The following ACOXL variants were observed in gnomAD, a reference collection of about 807,000 sequenced individuals.
The protein encoded by ACOXL is acyl-CoA oxidase like.
Under a neutral mutation model 71.9 loss-of-function variants are expected in ACOXL, and 70 were observed. The observed-to-expected ratio is 0.97, with a 90% confidence interval of 0.80 to 1.19. ACOXL has a LOEUF of 1.19. ACOXL is among the 50% of genes most tolerant of loss of function. The pLI, the probability that ACOXL is intolerant of heterozygous loss-of-function variation, is 0.00. For missense variants in ACOXL, 703 were observed against 736.3 expected (o/e 0.95, Z 0.52); for synonymous variants, 253 against 281.6 (o/e 0.90, Z 1.02).
intron 16 of ACOXL, among the ~76,000 whole-genome samples, chr2:111,051,474 T>C (rs1233928958): frequency 6.6e-6 from 1 of 152,138 alleles, no homozygotes; most frequent in African/African-American, 2.4e-5. Context: ...CCAAATATGA[T>C]ATATATTTTT....
chr2:110,916,724 A>T (rs1218635019), intron 11 of ACOXL, among the ~76,000 whole-genome samples: 1 of 152,206 alleles, frequency 6.6e-6, no homozygotes, highest in African/African-American at 2.4e-5. Flanking sequence ...GATAAAGGGG[A>T]TATCACCACT....
chr2:110,934,235 G>T (rs937595430), intron 12 of ACOXL, among the ~76,000 whole-genome samples: 1 of 152,192 alleles, frequency 6.6e-6, no homozygotes, highest in Non-Finnish European at 1.5e-5. Context: ...CCCATGCGGG[G>T]GTCCAGAGCC....
At chr2:110,915,064 C>A (rs183069029) in intron 11 of ACOXL, among the ~76,000 whole-genome samples, 3 of 138,794 alleles carry the variant, frequency 2.2e-5, no homozygotes, top group Admixed American at 2.1e-4. Context: ...ACTATAGTCA[C>A]CCTGTTTTGC....
At chr2:110,837,752 A>G (rs1410403365) in intron 9 of ACOXL, among the ~76,000 whole-genome samples, 1 of 152,180 alleles carries the variant, frequency 6.6e-6, no homozygotes, top group Non-Finnish European at 1.5e-5. Context: ...CTTGCCATTA[A>G]AATGTGATTT....
chr2:111,013,867 G>T (rs1430140683), intron 14 of ACOXL, among the ~76,000 whole-genome samples: 1 of 150,128 alleles, frequency 6.7e-6, no homozygotes, highest in Non-Finnish European at 1.5e-5. Flanking sequence ...ACGAATATAG[G>T]TGAAAATACA....
intron 5 of ACOXL, 116 bp downstream of exon 5, chr2:110,794,290 A>T (rs943350816): frequency 2.0e-5 from 20 of 990,822 alleles, no homozygotes; most frequent in Non-Finnish European, 3.0e-5. Flanking sequence ...TGGCCCAGGG[A>T]GCTGAGATTC....
At chr2:110,901,570 ACT>A (rs1409789306) in intron 10 of ACOXL, among the ~76,000 whole-genome samples, 3 of 149,880 alleles carry the variant, frequency 2.0e-5, no homozygotes, top group African/African-American at 4.9e-5. Flanking sequence ...CACTTTGAGA[ACT>A]CTTTCCTGGG....
intron 12 of ACOXL, among the ~76,000 whole-genome samples, chr2:110,966,264 C>A (rs2061924216): frequency 6.6e-6 from 1 of 152,174 alleles, no homozygotes; most frequent in Non-Finnish European, 1.5e-5. Context: ...AATCCACCCC[C>A]ACTCAGCAGC....
intron 10 of ACOXL, among the ~76,000 whole-genome samples, chr2:110,849,773 CA>C (rs1692376723): frequency 6.6e-6 from 1 of 151,276 alleles, no homozygotes; most frequent in East Asian, 1.9e-4. Flanking sequence ...AACAAACAAA[CA>C]AACAAAAAAC....
chr2:110,886,822 G>A, intron 10 of ACOXL: 2 of 1,551,028 alleles, frequency 1.3e-6, no homozygotes, highest in African/African-American at 2.7e-5. Context: ...GCTCCAGCTG[G>A]TCTTTATTGA....
rs552854206 is a variant in ACOXL, at chr2:110,984,853, A to G, written c.1060-2255A>G. Reference sequence around the variant, plus strand: ...GAGTCCTCGCCTCTGGGCTCTGGGCAGTACATTGTCTGATGGCACAAGGAT... The same window carrying G: ...GAGTCCTCGCCTCTGGGCTCTGGGCGGTACATTGTCTGATGGCACAAGGAT... On this transcript the variant is annotated intron_variant, in intron 12 of 17. Transcript: ENST00000439055. Among the ~76,000 whole-genome samples the G allele has an allele frequency of 2.6e-5, 4 of 152,354 alleles. No individual in the cohort carries two copies. In the East Asian group the frequency reaches 7.7e-4, roughly 29 times the overall value.
intron 1 of ACOXL, among the ~76,000 whole-genome samples, chr2:110,750,740 A>G (rs1278426985): frequency 1.3e-5 from 2 of 151,358 alleles, no homozygotes; most frequent in East Asian, 3.9e-4. Context: ...TCTGTTGCTC[A>G]GGCTGGAGTG....
At chr2:111,019,869 CT>C (rs899736549) in intron 14 of ACOXL, among the ~76,000 whole-genome samples, 4 of 151,562 alleles carry the variant, frequency 2.6e-5, no homozygotes, top group East Asian at 3.9e-4. Flanking sequence ...TTTTCTTTTT[CT>C]TTTTTTTTGA....
At chr2:110,851,591 G>T (rs1335419024) in intron 10 of ACOXL, among the ~76,000 whole-genome samples, 1 of 152,234 alleles carries the variant, frequency 6.6e-6, no homozygotes, top group Non-Finnish European at 1.5e-5. Flanking sequence ...CCTAGACTGT[G>T]TGGTGCTTCA....
At chr2:111,043,439 G>A (rs2065877398) in intron 15 of ACOXL, among the ~76,000 whole-genome samples, 1 of 152,160 alleles carries the variant, frequency 6.6e-6, no homozygotes, top group Non-Finnish European at 1.5e-5. Flanking sequence ...GTGGGTGGGG[G>A]ACTTCAGAAG....
At chr2:110,832,102 C>T (rs1028838173) in intron 9 of ACOXL, among the ~76,000 whole-genome samples, 6 of 152,216 alleles carry the variant, frequency 3.9e-5, no homozygotes, top group African/African-American at 9.6e-5. Context: ...GAGGAGTTTG[C>T]GGCTTCAGTG....
At chr2:110,837,580 C>T (rs979097625) in intron 9 of ACOXL, among the ~76,000 whole-genome samples, 1 of 152,040 alleles carries the variant, frequency 6.6e-6, no homozygotes, top group Admixed American at 6.5e-5. Context: ...TCTCAGATTA[C>T]CCTTTAATGC....
At chr2:110,956,470 C>T (rs2061505142) in intron 12 of ACOXL, among the ~76,000 whole-genome samples, 1 of 152,180 alleles carries the variant, frequency 6.6e-6, no homozygotes, top group South Asian at 2.1e-4. Flanking sequence ...GCCATCACTC[C>T]ACTGGACTCA....
chr2:110,807,470 G>C (rs2105380827), intron 9 of ACOXL, among the ~76,000 whole-genome samples: 1 of 152,332 alleles, frequency 6.6e-6, no homozygotes, highest in East Asian at 1.9e-4. Flanking sequence ...ACAAATGCTG[G>C]GTACCCTCGC....
Sources: gnomAD v4.1 joint callset for allele counts (sites outside exome capture counted in the v4.1 genomes callset) on GRCh38, gnomAD v4.1.1 for gene constraint, MANE v1.5 for transcripts, NCBI Gene and HGNC (gene_info 2026-07-23, HGNC 2026-07-21) for gene names.